SIL1: variants seen among roughly 807,000 people sequenced by gnomAD.
SIL1 encodes nucleotide exchange factor SIL1.
A neutral mutation model predicts 49.1 loss-of-function variants in SIL1; 40 were observed. The observed-to-expected ratio is 0.81, with a 90% CI of 0.63 to 1.06. The LOEUF is 1.06. SIL1 is among the 50% of genes least tolerant of loss of function. The probability of loss-of-function intolerance (pLI) is 0.00; values close to 1 mark genes in which losing one functional copy is unlikely to be tolerated. For missense variants in SIL1, 500 were observed against 572.6 expected (o/e 0.87, Z 1.29); for synonymous variants, 253 against 250.8 (o/e 1.01, Z -0.08).
chr5:139,056,859 G>C lies in SIL1; in HGVS notation c.245-5813C>G, dbSNP rs1170137109. Among the ~76,000 whole-genome samples, 22 of 152,164 alleles carry C rather than the reference G, an allele frequency of 1.4e-4. 1 individual carries two copies. The East Asian group carries it at 2.3e-3, about 16-fold the overall frequency. ...AGAACGGGCCATGATGACAATGGCG[G>C]TTTTGTGGAATAGAAAGGGGGGAAA... On this transcript the variant is annotated intron_variant, in intron 3 of 9. Coordinates refer to ENST00000394817, the MANE Select transcript of SIL1 (RefSeq NM_022464.5).
rs139246670 is a variant in SIL1 at position 139,065,447 on chromosome 5, C to T, written c.245-14401G>A. Among the ~76,000 whole-genome samples, 141 of 152,362 alleles carry T rather than the reference C, an allele frequency of 9.3e-4. 2 individuals are homozygous for T. In the East Asian group the frequency reaches 9.6e-3, roughly 10 times the overall value. On this transcript the variant is annotated intron_variant, in intron 3 of 9. Transcript: ENST00000394817. ...GAAGGGCTTCAGGTTTCCTGATAAACTTAGCTCAGTCACAAACTTAAGCCA... is the reference window on the plus strand; with the variant it reads ...GAAGGGCTTCAGGTTTCCTGATAAATTTAGCTCAGTCACAAACTTAAGCCA...
chr5:138,948,593 G>A lies in SIL1; in HGVS notation c.1030-1120C>T, dbSNP rs1388211906. 6.6e-6 allele frequency among the ~76,000 whole-genome samples: 1 copy of A among 150,950 alleles called. No individual in the cohort carries two copies. On this transcript the variant is annotated intron_variant, in intron 9 of 9. Coordinates refer to ENST00000394817, the MANE Select transcript of SIL1 (RefSeq NM_022464.5). This position sits in a 1 kb window ranked among gnomAD's most constrained non-coding sequence, Gnocchi z 4.8. ...CTCCTGTCACTCTAACTCTCCCCTG[G>A]GGCCTCTGGAGGCGCAGCTCCGACT... is the stretch of plus-strand genomic sequence containing the variant.
chr5:139,041,876 G>T (rs1329848205), intron 5 of SIL1, among the ~76,000 whole-genome samples: 3 of 150,666 alleles, frequency 2.0e-5, no homozygotes, highest in African/African-American at 7.3e-5. Flanking sequence ...GAGGGAGGGA[G>T]AACTTAGGTC....
chr5:138,951,461 C>T, intron 8 of SIL1, 126 bp from the exon 9 acceptor site: 6 of 980,218 alleles, frequency 6.1e-6, no homozygotes, highest in Admixed American at 2.2e-5. Context: ...TCAGTTACAG[C>T]TATACCCCAG....
intron 1 of SIL1, among the ~76,000 whole-genome samples, chr5:139,145,263 G>A (rs998136271): frequency 2.6e-5 from 4 of 152,120 alleles, no homozygotes; most frequent in African/African-American, 9.7e-5. Flanking sequence ...TTAGAGAAAT[G>A]CCAATCAAAG....
At chr5:138,976,907 A>C (rs1023334657) in intron 7 of SIL1, among the ~76,000 whole-genome samples, 1 of 152,154 alleles carries the variant, frequency 6.6e-6, no homozygotes, top group Non-Finnish European at 1.5e-5. Context: ...TTTCCCAGAG[A>C]AGTGCACCTC....
At chr5:138,955,798 G>T (rs1017294306) in intron 7 of SIL1, among the ~76,000 whole-genome samples, 4 of 152,254 alleles carry the variant, frequency 2.6e-5, no homozygotes, top group African/African-American at 9.6e-5. Context: ...TTTTGAGTGT[G>T]GGGTCCTGTG....
chr5:139,167,856 C>A (rs985650397), intron 1 of SIL1, among the ~76,000 whole-genome samples: 5 of 151,930 alleles, frequency 3.3e-5, no homozygotes, highest in East Asian at 1.9e-4. Context: ...TTTATTTTTT[C>A]TCTTTTAATA....
At chr5:139,144,822 G>C (rs1007784140) in intron 1 of SIL1, among the ~76,000 whole-genome samples, 11 of 152,104 alleles carry the variant, frequency 7.2e-5, no homozygotes, top group African/African-American at 2.7e-4. Context: ...AGTGAGCTGA[G>C]ACTGAGCCAC....
intron 7 of SIL1, chr5:138,953,520 G>A (rs1160717296): frequency 1.3e-5 from 2 of 152,320 alleles, no homozygotes; most frequent in Non-Finnish European, 2.9e-5. Flanking sequence ...CAGCCAGAAA[G>A]GAAGTACAGG....
chr5:139,008,767 C>T (rs1361615621), intron 7 of SIL1, among the ~76,000 whole-genome samples: 15 of 151,710 alleles, frequency 9.9e-5, no homozygotes, highest in South Asian at 6.3e-4. Context: ...TGTAGTTGAG[C>T]GGCTTTGAGT....
chr5:139,172,822 C>A (rs1426664915), intron 1 of SIL1, among the ~76,000 whole-genome samples: 6 of 152,162 alleles, frequency 3.9e-5, no homozygotes, highest in Non-Finnish European at 4.4e-5. Flanking sequence ...AAAACACCAG[C>A]TGGTCCCAGA....
chr5:139,046,057 G>A (rs949439110), intron 4 of SIL1, among the ~76,000 whole-genome samples: 3 of 152,164 alleles, frequency 2.0e-5, no homozygotes, highest in South Asian at 2.1e-4. Context: ...AGCTGGGCGC[G>A]GTGGCTCATG....
At chr5:139,064,597 TTTTAG>T (rs1163394646) in intron 3 of SIL1, among the ~76,000 whole-genome samples, 2 of 152,250 alleles carry the variant, frequency 1.3e-5, no homozygotes, top group Admixed American at 1.3e-4. Flanking sequence ...ATTTTCTGCC[TTTTAG>T]TTTAAAGTTT....
At chr5:139,176,089 G>C (rs1751877634) in intron 1 of SIL1, among the ~76,000 whole-genome samples, 3 of 152,064 alleles carry the variant, frequency 2.0e-5, no homozygotes, top group African/African-American at 7.2e-5. Flanking sequence ...TCAAAACCCT[G>C]GTCTCAAGCA....
intron 1 of SIL1, among the ~76,000 whole-genome samples, chr5:139,163,444 A>G (rs1309276003): frequency 6.6e-6 from 1 of 151,792 alleles, no homozygotes; most frequent in Non-Finnish European, 1.5e-5. Context: ...ATCTCGTCTC[A>G]TTGCAACCTC....
At position 139,084,781 on chromosome 5, in the gene SIL1, T is replaced by TAATAAA. The variant is rs1252622431; in HGVS notation, c.245-33741_245-33736dup. Reference sequence around the variant, plus strand: ...CACATGTACCCTAAAACTTAGAGTATAATAAAAATAAAAATAAATAAAAAA... The same window carrying TAATAAA: ...CACATGTACCCTAAAACTTAGAGTATAATAAAAATAAAAATAAAAATAAATAAAAAA... On this transcript the variant is annotated intron_variant, in intron 3 of 9. Transcript: ENST00000394817. Among the ~76,000 whole-genome samples, 178 of 151,028 alleles carry TAATAAA rather than the reference T, an allele frequency of 1.2e-3. 1 individual carries two copies. Among genetic ancestry groups the TAATAAA allele is most frequent in the African/African-American group, 4.2e-3 (173 of 41,140 alleles).
intron 3 of SIL1, among the ~76,000 whole-genome samples, chr5:139,112,613 C>G (rs912591182): frequency 6.6e-6 from 1 of 150,520 alleles, no homozygotes; most frequent in East Asian, 2.0e-4. Context: ...GCCCGGCAGC[C>G]AACCCCTCCG....
At position 138,983,198 on chromosome 5, in the gene SIL1, C is replaced by CA. The variant is rs33926268; in HGVS notation, c.768-31315dup. ...TGGGTGACAGAGTGAGACACTGTCT[C>CA]AAAAAAAAAAAAAAAAAAAAAAAAA... On this transcript the variant is annotated intron_variant, in intron 7 of 9. Transcript: ENST00000394817. Among the ~76,000 whole-genome samples, 70 of 28,116 alleles carry CA rather than the reference C, an allele frequency of 2.5e-3. 5 individuals are homozygous for CA. Among genetic ancestry groups the CA allele is most frequent in the African/African-American group, 5.4e-3 (35 of 6,480 alleles). The allele number at this position is 28,116 out of a possible 152,430, so 18.4% of individuals were successfully genotyped here.
Sources: gnomAD v4.1 joint callset for allele counts (sites outside exome capture counted in the v4.1 genomes callset) on GRCh38, gnomAD v4.1.1 for gene constraint, Gnocchi (gnomAD v3.1) non-coding constraint, MANE v1.5 for transcripts, NCBI Gene and HGNC (gene_info 2026-07-23, HGNC 2026-07-21) for gene names.